Variants in EFCAB11 observed in about 807,000 individuals in gnomAD.
EFCAB11 encodes the protein EF-hand calcium binding domain 11.
In EFCAB11, 14 loss-of-function variants were observed where a neutral mutation model predicts 23.0. The observed-to-expected ratio is 0.61, with a 90% CI of 0.40 to 0.95. The LOEUF (loss-of-function observed/expected upper bound fraction) is 0.95. Ranked by LOEUF, EFCAB11 falls within the 40% of genes least tolerant of loss-of-function variation. EFCAB11 has a pLI of 0.00. For missense variants in EFCAB11, 198 were observed against 195.8 expected, an observed-to-expected ratio of 1.01 and a Z score of -0.07; for synonymous variants, 65 against 66.6, an observed-to-expected ratio of 0.98 and a Z score of 0.11.
chr14:89,919,490 T>C (rs575338063), intron 5 of EFCAB11, among the ~76,000 whole-genome samples: 99 of 152,250 alleles, frequency 6.5e-4, no homozygotes, highest in African/African-American at 2.3e-3. Context: ...AGGTGTGGCA[T>C]GTGGAGGACA....
intron 5 of EFCAB11, among the ~76,000 whole-genome samples, chr14:89,866,974 T>C (rs983613520): frequency 1.3e-5 from 2 of 152,176 alleles, no homozygotes; most frequent in African/African-American, 2.4e-5. Context: ...TTTCACCGTA[T>C]TGGCCAGGCT....
intron 5 of EFCAB11, among the ~76,000 whole-genome samples, chr14:89,803,637 CAA>C (rs1401253250): frequency 1.3e-5 from 2 of 152,098 alleles, no homozygotes; most frequent in Non-Finnish European, 2.9e-5. Context: ...TAATTTAAAC[CAA>C]AGTCAAAACT....
intron 5 of EFCAB11, among the ~76,000 whole-genome samples, chr14:89,802,368 C>T (rs1885814401): frequency 6.6e-6 from 1 of 151,880 alleles, no homozygotes; most frequent in African/African-American, 2.4e-5. Context: ...GCAATGTTTT[C>T]GTTTTTTAAT....
chr14:89,862,029 T>C (rs534821488), intron 5 of EFCAB11, among the ~76,000 whole-genome samples: 27 of 152,332 alleles, frequency 1.8e-4, no homozygotes, highest in African/African-American at 6.5e-4. Context: ...CTAATCTCCT[T>C]CCACAGTGAA....
chr14:89,942,145 T>TA (rs1200719743), intron 3 of EFCAB11, among the ~76,000 whole-genome samples: 1 of 152,206 alleles, frequency 6.6e-6, no homozygotes, highest in Non-Finnish European at 1.5e-5. Context: ...TCATGCTTCC[T>TA]GTTAAGTCTG....
intron 5 of EFCAB11, among the ~76,000 whole-genome samples, chr14:89,913,998 T>C (rs1889759258): frequency 6.6e-6 from 1 of 152,072 alleles, no homozygotes; most frequent in Non-Finnish European, 1.5e-5. Context: ...GAGTAAAAGT[T>C]TGTGGAATAA....
chr14:89,886,482 C>CA (rs1465407124), intron 5 of EFCAB11, among the ~76,000 whole-genome samples: 1 of 128,660 alleles, frequency 7.8e-6, no homozygotes, highest in African/African-American at 2.9e-5. Context: ...CGCGCCACTG[C>CA]ACTCCAGCCT....
intron 5 of EFCAB11, among the ~76,000 whole-genome samples, chr14:89,913,389 G>A (rs761193819): frequency 1.1e-4 from 16 of 152,186 alleles, no homozygotes; most frequent in Admixed American, 2.0e-4. Context: ...TCTTGGCATG[G>A]AGACCTGAGT....
chr14:89,834,013 T>C (rs1042146130), intron 5 of EFCAB11, among the ~76,000 whole-genome samples: 1 of 152,120 alleles, frequency 6.6e-6, no homozygotes, highest in Non-Finnish European at 1.5e-5. Flanking sequence ...TGGACTCCAG[T>C]TGCAATAAGT....
At chr14:89,917,738 C>T (rs1426198647) in intron 5 of EFCAB11, among the ~76,000 whole-genome samples, 2 of 152,182 alleles carry the variant, frequency 1.3e-5, no homozygotes, top group African/African-American at 4.8e-5. Context: ...GGGCTTGGTT[C>T]TGTGACTTCT....
At chr14:89,814,155 T>C (rs1886248339) in intron 5 of EFCAB11, among the ~76,000 whole-genome samples, 2 of 151,666 alleles carry the variant, frequency 1.3e-5, no homozygotes, top group African/African-American at 4.8e-5. Context: ...TGTTCAGCGC[T>C]ACAACCTCTA....
intron 5 of EFCAB11, among the ~76,000 whole-genome samples, chr14:89,925,839 T>C (rs547905089): frequency 4.0e-5 from 6 of 151,704 alleles, no homozygotes; most frequent in Admixed American, 1.3e-4. Context: ...AGAGACAAGT[T>C]TTTTTTTGAG....
chr14:89,922,626 TG>T lies in EFCAB11; in HGVS notation c.410+8914del, dbSNP rs200108078. Among the ~76,000 whole-genome samples the T allele has an allele frequency of 4.2e-3, 632 of 152,200 alleles. 3 individuals are homozygous for T. Among genetic ancestry groups the T allele is most frequent in the Non-Finnish European group, 6.8e-3 (463 of 68,008 alleles). On this transcript the variant is annotated intron_variant, in intron 5 of 5. Transcript: ENST00000316738. Reference sequence around the variant, plus strand: ...ACAAATAATAGTAATAAAAAGCCTGTGGTTTTTTTTCCAATGAAATAAGCCA... The same window carrying T: ...ACAAATAATAGTAATAAAAAGCCTGTGTTTTTTTTCCAATGAAATAAGCCA...
At position 89,882,322 on chromosome 14, in the gene EFCAB11, T is replaced by A. The variant is rs201402798; in HGVS notation, c.410+49219A>T. On this transcript the variant is annotated intron_variant, in intron 5 of 5. Coordinates refer to ENST00000316738, the MANE Select transcript of EFCAB11 (RefSeq NM_145231.4). The stretch of plus-strand genomic sequence containing the variant: ...CAATGGGAAATGTATGTGCGGCATA[T>A]GTTGAGATGGTCTAAATTCAAATAT... Among the ~76,000 whole-genome samples the A allele has an allele frequency of 5.3e-5, 8 of 152,202 alleles. No homozygotes were observed. In the East Asian group the frequency reaches 1.5e-3, roughly 29 times the overall value.
Position 89,795,551 on chromosome 14 carries a change from C to T in EFCAB11, c.*1692G>A, listed in dbSNP as rs1056834420. ...GTGTGGCGGTACACACCTGTAAACC[C>T]AGATACTCAGGAGGCTAAGGCAGGA... On this transcript the variant is annotated 3_prime_UTR_variant, in exon 6 of 6. Transcript: ENST00000316738. The T allele has an allele frequency of 6.6e-6, 1 of 151,692 alleles. No homozygotes were observed. Among genetic ancestry groups the T allele is most frequent in the Non-Finnish European group, 1.5e-5 (1 of 67,982 alleles). The allele number at this position is 151,692 out of a possible 1,614,324, so 9.4% of individuals were successfully genotyped here.
At chr14:89,946,480 A>G (rs1486594204) in intron 3 of EFCAB11, among the ~76,000 whole-genome samples, 1 of 152,212 alleles carries the variant, frequency 6.6e-6, no homozygotes, top group East Asian at 1.9e-4. Context: ...ACATCTAACT[A>G]AAACATTAAT....
intron 5 of EFCAB11, among the ~76,000 whole-genome samples, chr14:89,815,833 A>G (rs1596379599): frequency 6.6e-6 from 1 of 152,174 alleles, no homozygotes; most frequent in South Asian, 2.1e-4. Context: ...CATCCTAAAG[A>G]TTAGGGTTTT....
At chr14:89,913,406 C>T (rs1223693891) in intron 5 of EFCAB11, among the ~76,000 whole-genome samples, 1 of 152,098 alleles carries the variant, frequency 6.6e-6, no homozygotes, top group Non-Finnish European at 1.5e-5. Flanking sequence ...GAGTTTTGAT[C>T]CAGGTCTATG....
intron 5 of EFCAB11, among the ~76,000 whole-genome samples, chr14:89,910,363 T>C (rs7142518): frequency 0.31 from 47,811 of 151,918 alleles, 11,530 homozygotes; most frequent in African/African-American, 0.67. Context: ...TTTGGGAGGC[T>C]GAGGCAGGCG....
Sources: gnomAD v4.1 joint callset for allele counts (sites outside exome capture counted in the v4.1 genomes callset) on GRCh38, gnomAD v4.1.1 for gene constraint, MANE v1.5 for transcripts, NCBI Gene and HGNC (gene_info 2026-07-23, HGNC 2026-07-21) for gene names.